Variants in PACSIN3 observed in about 807,000 individuals in gnomAD.
PACSIN3 encodes protein kinase C and casein kinase substrate in neurons 3.
A neutral mutation model predicts 56.1 loss-of-function variants in PACSIN3; 34 were observed. The observed-to-expected ratio is 0.61, with a 90% CI of 0.46 to 0.81. The LOEUF (loss-of-function observed/expected upper bound fraction) is 0.81. Among genes scored for constraint, PACSIN3 ranks in the 30% least tolerant of loss-of-function variants. The pLI, the probability that PACSIN3 is intolerant of heterozygous loss-of-function variation, is 0.00. For missense variants in PACSIN3, 535 were observed against 592.4 expected (o/e 0.90, Z 1.01); for synonymous variants, 218 against 229.8 (o/e 0.95, Z 0.46).
At position 47,180,558 on chromosome 11, in the gene PACSIN3, C is replaced by A; in HGVS notation, c.344G>T (p.Arg115Leu). 1 of 1,603,750 alleles carries A rather than the reference C, an allele frequency of 6.2e-7. No homozygotes were observed. The highest frequency in any genetic ancestry group is 1.1e-5 in the South Asian group (1 of 91,022). The change falls in exon 5 of 11, where the codon CGG becomes CTG. Residue 115 changes from arginine (R) to leucine (L), a missense_variant. Coordinates refer to ENST00000298838, the MANE Select transcript of PACSIN3 (RefSeq NM_016223.5). ...QDSERVRAWQ[R>L]GAFHRPVLGG... The stretch of plus-strand genomic sequence containing the variant: ...CAGCACAGGCCGGTGGAAAGCCCCC[C>A]GCTGCCAGGCGCGCACCCGCTCACT...
chr11:47,179,136 C>T lies in PACSIN3; in HGVS notation c.900+23G>A. 1 of 1,613,394 alleles carries T rather than the reference C, an allele frequency of 6.2e-7. No homozygotes were observed. Among genetic ancestry groups the T allele is most frequent in the African/African-American group, 1.3e-5 (1 of 75,064 alleles). On this transcript the variant is annotated intron_variant, in intron 8 of 10. Coordinates refer to ENST00000298838, the MANE Select transcript of PACSIN3 (RefSeq NM_016223.5). The surrounding 1 kb of genome is among the most constrained non-coding windows in gnomAD (Gnocchi z 4.4). ...GTGGGAGCCCATCCCACCTCCCATC[C>T]CCACCCCGCCTGGAACACATGCCTC...
At chr11:47,180,929 G>A (rs911730857) in intron 4 of PACSIN3, among the ~76,000 whole-genome samples, 1 of 152,246 alleles carries the variant, frequency 6.6e-6, no homozygotes, top group African/African-American at 2.4e-5. Context: ...AAAACACTGA[G>A]GACCAGAGAT....
intron 1 of PACSIN3, chr11:47,185,170 G>T (rs1953096022): frequency 6.6e-6 from 1 of 151,146 alleles, no homozygotes; most frequent in African/African-American, 2.4e-5. Context: ...AGCACGTTCG[G>T]CTCCGAGAGG....
Position 47,179,101 on chromosome 11 carries a change from G to T in PACSIN3, c.900+58C>A. On this transcript the variant is annotated intron_variant, in intron 8 of 10. Transcript: ENST00000298838. This position sits in a 1 kb window ranked among gnomAD's most constrained non-coding sequence, Gnocchi z 4.4. ...TTCACTTACTTCATCCCTAGCCCTG[G>T]CCGAGCTGAGTGGGAGCCCATCCCA... 1 of 1,613,512 alleles carries T rather than the reference G, an allele frequency of 6.2e-7. No individual in the cohort carries two copies. Among genetic ancestry groups the T allele is most frequent in the African/African-American group, 1.3e-5 (1 of 75,038 alleles).
intron 1 of PACSIN3, among the ~76,000 whole-genome samples, chr11:47,184,932 G>A (rs1953091673): frequency 6.6e-6 from 1 of 151,978 alleles, no homozygotes; most frequent in Non-Finnish European, 1.5e-5. Flanking sequence ...GGCTGGCACA[G>A]CTCCCTCCGG....
chr11:47,179,720 C>A lies in PACSIN3; in HGVS notation c.604-134G>T. ...AGGGGCAATCAGTCCCAAGACCCAG[C>A]TCCTGCCCTCAAGGACCCCAGCAGC... On this transcript the variant is annotated intron_variant, in intron 6 of 10. Transcript: ENST00000298838. The surrounding 1 kb of genome is among the most constrained non-coding windows in gnomAD (Gnocchi z 4.4). 3.9e-6 allele frequency: 3 copies of A among 772,868 alleles called. No individual in the cohort carries two copies. The East Asian group carries it at 8.0e-5, about 21-fold the overall frequency. The allele number at this position is 772,868 out of a possible 1,614,324, so 47.9% of individuals were successfully genotyped here.
intron 2 of PACSIN3, 63 bp downstream of exon 2, chr11:47,182,941 G>T (rs1406068882): frequency 2.0e-6 from 1 of 497,680 alleles, no homozygotes; most frequent in Admixed American, 4.0e-5. Flanking sequence ...GGATGGGTGA[G>T]GATGGAGTCT....
rs1265202348 is a variant in PACSIN3, at chr11:47,180,571, G to A, written c.331C>T (p.Arg111Cys). The change falls in exon 5 of 11, where the codon CGC (arginine) becomes TGC (cysteine). Residue 111 changes from arginine to cysteine, a missense_variant. Arg to Cys is a radical substitution (Grantham distance 180). Coordinates refer to ENST00000298838, the MANE Select transcript of PACSIN3 (RefSeq NM_016223.5). ...TGGAAAGCCCCCCGCTGCCAGGCGCGCACCCGCTCACTGTCCTGCCCTTGC... is the reference window on the plus strand; with the variant it reads ...TGGAAAGCCCCCCGCTGCCAGGCGCACACCCGCTCACTGTCCTGCCCTTGC... ...KLQGQDSERV[R>C]AWQRGAFHRP... 5.0e-6 allele frequency: 8 copies of A among 1,604,044 alleles called. No homozygotes were observed. Among genetic ancestry groups the A allele is most frequent in the Non-Finnish European group, 4.2e-6 (5 of 1,179,692 alleles).
chr11:47,178,919 G>A lies in PACSIN3; in HGVS notation c.1012C>T (p.Pro338Ser). ...CCTGGGGACCCCGGGGACTGGGGTG[G>A]GGGTGCGGTGCCATCTCTTGTAGGC... ...IVPTRDGTAPPPQSPGSPGTG... is the reference protein window; with the variant it reads ...IVPTRDGTAPSPQSPGSPGTG... Residue 338 changes from proline to serine, a missense_variant, in exon 9 of 11, where the codon CCA becomes TCA. Coordinates refer to ENST00000298838, the MANE Select transcript of PACSIN3 (RefSeq NM_016223.5). This position sits in a 1 kb window ranked among gnomAD's most constrained non-coding sequence, Gnocchi z 4.2. 1 of 1,614,004 alleles carries A rather than the reference G, an allele frequency of 6.2e-7. No homozygotes were observed. The highest frequency in any genetic ancestry group is 8.5e-7 in the Non-Finnish European group (1 of 1,180,006).
At chr11:47,181,908 T>C (rs781731494) in intron 4 of PACSIN3, among the ~76,000 whole-genome samples, 2 of 151,760 alleles carry the variant, frequency 1.3e-5, no homozygotes, top group Non-Finnish European at 2.9e-5. Context: ...ATCCCAGCAC[T>C]TGGGGAGGCT....
intron 4 of PACSIN3, 31 bp from the exon 5 acceptor site, chr11:47,180,721 C>G: frequency 1.3e-6 from 2 of 1,545,464 alleles, no homozygotes; most frequent in Non-Finnish European, 1.7e-6. Flanking sequence ...TAGGCCAGGC[C>G]TGGGTACCAC....
In PACSIN3 at chr11:47,178,422, A is replaced by G. The variant is rs1431423793; in HGVS notation, c.1103T>C (p.Val368Ala). ...GCCAGCGTAGTCATAGAGTGCCCTC[A>G]CCCGAACCCCGGTGGCAGCCTTCCG... ...SPRKAATGVRVRALYDYAGQE... is the reference protein window; with the variant it reads ...SPRKAATGVRARALYDYAGQE... The change falls in exon 10 of 11, where the codon GTG becomes GCG. Residue 368 changes from valine (V) to alanine (A), a missense_variant. Transcript: ENST00000298838. This position sits in a 1 kb window ranked among gnomAD's most constrained non-coding sequence, Gnocchi z 4.2. 1.9e-6 allele frequency: 3 copies of G among 1,613,842 alleles called. No homozygotes were observed. The African/African-American group carries it at 4.0e-5, about 22-fold the overall frequency.
chr11:47,180,437 T>TC lies in PACSIN3; in HGVS notation c.447+17dup. 6.3e-7 allele frequency: 1 copy of TC among 1,590,258 alleles called. No homozygotes were observed. Among genetic ancestry groups the TC allele is most frequent in the Non-Finnish European group, 8.5e-7 (1 of 1,170,362 alleles). Reference sequence around the variant, plus strand: ...CAGGAAGGAGCCTGTCTCGGATACCTCCCCCACCCAGCCTCACCTCCTTCA... The same window carrying TC: ...CAGGAAGGAGCCTGTCTCGGATACCTCCCCCCACCCAGCCTCACCTCCTTCA... On this transcript the variant is annotated intron_variant, in intron 5 of 10. Coordinates refer to ENST00000298838, the MANE Select transcript of PACSIN3 (RefSeq NM_016223.5).
At chr11:47,184,757 G>C (rs1295604552) in intron 1 of PACSIN3, among the ~76,000 whole-genome samples, 1 of 152,216 alleles carries the variant, frequency 6.6e-6, no homozygotes, top group African/African-American at 2.4e-5. Context: ...TGGAGAGAAA[G>C]AGAGCTGCTG....
chr11:47,179,100 G>A lies in PACSIN3; in HGVS notation c.900+59C>T. 6.2e-7 allele frequency: 1 copy of A among 1,613,682 alleles called. No individual in the cohort carries two copies. The highest frequency in any genetic ancestry group is 8.5e-7 in the Non-Finnish European group (1 of 1,179,888). On this transcript the variant is annotated intron_variant, in intron 8 of 10. Transcript: ENST00000298838. This position sits in a 1 kb window ranked among gnomAD's most constrained non-coding sequence, Gnocchi z 4.4. ...CTTCACTTACTTCATCCCTAGCCCT[G>A]GCCGAGCTGAGTGGGAGCCCATCCC...
In PACSIN3 at chr11:47,178,524, A is replaced by G. The variant is rs1360279357; in HGVS notation, c.1038-37T>C. The stretch of plus-strand genomic sequence containing the variant: ...AGGCAAAGGGAGCAGCTCAGAGTGC[A>G]AGGAACACGGGGCTGGAGATCTCAC... On this transcript the variant is annotated intron_variant, in intron 9 of 10. Coordinates refer to ENST00000298838, the MANE Select transcript of PACSIN3 (RefSeq NM_016223.5). The surrounding 1 kb of genome is among the most constrained non-coding windows in gnomAD (Gnocchi z 4.2). 1 of 1,606,454 alleles carries G rather than the reference A, an allele frequency of 6.2e-7. No homozygotes were observed. Among genetic ancestry groups the G allele is most frequent in the Admixed American group, 1.7e-5 (1 of 59,430 alleles).
Position 47,178,171 on chromosome 11 carries a change from G to C in PACSIN3, c.1160-125C>G, listed in dbSNP as rs1258204701. On this transcript the variant is annotated intron_variant, in intron 10 of 10. Coordinates refer to ENST00000298838, the MANE Select transcript of PACSIN3 (RefSeq NM_016223.5). This position sits in a 1 kb window ranked among gnomAD's most constrained non-coding sequence, Gnocchi z 4.2. ...AGCTAGCAAAGACATGGCTCAGGCA[G>C]AGGCAGGTCAAGGTCAGCAAGCTGC... 3 of 1,167,614 alleles carry C rather than the reference G, an allele frequency of 2.6e-6. No homozygotes were observed. The allele number at this position is 1,167,614 out of a possible 1,614,324, so 72.3% of individuals were successfully genotyped here.
chr11:47,178,643 CTG>C lies in PACSIN3; in HGVS notation c.1038-158_1038-157del, dbSNP rs1233178503. Among the ~76,000 whole-genome samples, 2 of 152,196 alleles carry C rather than the reference CTG, an allele frequency of 1.3e-5. No homozygotes were observed. Among genetic ancestry groups the C allele is most frequent in the Non-Finnish European group, 2.9e-5 (2 of 68,036 alleles). ...TCTAGCTCTACCTCGCCATGCCCGA[CTG>C]TGAGCAAAGAGGCAATTCCTGCCAC... On this transcript the variant is annotated intron_variant, in intron 9 of 10. Coordinates refer to ENST00000298838, the MANE Select transcript of PACSIN3 (RefSeq NM_016223.5). This position sits in a 1 kb window ranked among gnomAD's most constrained non-coding sequence, Gnocchi z 4.2.
chr11:47,177,758 G>A lies in PACSIN3; in HGVS notation c.*173C>T. 1 of 639,614 alleles carries A rather than the reference G, an allele frequency of 1.6e-6. No homozygotes were observed. Among genetic ancestry groups the A allele is most frequent in the Non-Finnish European group, 2.8e-6 (1 of 361,562 alleles). 39.6% of individuals were successfully genotyped at this position (639,614 alleles called of 1,614,324 possible). A position where few individuals can be genotyped will look rare whatever the true frequency, so the allele number is the denominator to read the frequency against. Reference sequence around the variant, plus strand: ...GCCTAGACTCGTCCCTTCCCTACCAGTCCCTTCCCTAGACAAAGGCCCCTC... The same window carrying A: ...GCCTAGACTCGTCCCTTCCCTACCAATCCCTTCCCTAGACAAAGGCCCCTC... On this transcript the variant is annotated 3_prime_UTR_variant, in exon 11 of 11. Coordinates refer to ENST00000298838, the MANE Select transcript of PACSIN3 (RefSeq NM_016223.5).
Sources: gnomAD v4.1 joint callset for allele counts (sites outside exome capture counted in the v4.1 genomes callset) on GRCh38, gnomAD v4.1.1 for gene constraint, Gnocchi (gnomAD v3.1) non-coding constraint, MANE v1.5 for transcripts, NCBI Gene and HGNC (gene_info 2026-07-23, HGNC 2026-07-21) for gene names.